Variants in CDC73 observed in about 807,000 individuals in gnomAD.
CDC73 encodes parafibromin.
In CDC73, 21 loss-of-function variants were observed where a neutral mutation model predicts 83.7. The ratio of observed to expected loss-of-function variants is 0.25; its 90% CI spans 0.18 to 0.36. The LOEUF (loss-of-function observed/expected upper bound fraction) is 0.36. Ranked by LOEUF, CDC73 falls within the 10% of genes least tolerant of loss-of-function variation. The pLI, the probability that CDC73 is intolerant of heterozygous loss-of-function variation, is 1.00. For missense variants in CDC73, 342 were observed against 653.3 expected, an observed-to-expected ratio of 0.52 and a Z score of 5.19; for synonymous variants, 224 against 212.9, an observed-to-expected ratio of 1.05 and a Z score of -0.45.
At chr1:193,199,323 T>G (rs933896736) in intron 10 of CDC73, among the ~76,000 whole-genome samples, 60 of 152,172 alleles carry the variant, frequency 3.9e-4, no homozygotes, top group African/African-American at 1.4e-3. Context: ...CCCAGCGCTT[T>G]AGGAGGCCAA....
rs138861712 is a variant in CDC73 at position 193,142,012 on chromosome 1, C to G, written c.675C>G (p.Val225=). 6.2e-7 allele frequency: 1 copy of G among 1,613,650 alleles called. No individual in the cohort carries two copies. Among genetic ancestry groups the G allele is most frequent in the African/African-American group, 1.3e-5 (1 of 74,830 alleles). Residue 225 remains valine (V), a synonymous_variant, in exon 7 of 17, where the codon GTC becomes GTG. Coordinates refer to ENST00000367435, the MANE Select transcript of CDC73 (RefSeq NM_024529.5). Reference sequence around the variant, plus strand: ...AGGTAGATGTGACCCGAGATATTGTCAGCAGAGAGAGAGTATGGAGGACAC... The same window carrying G: ...AGGTAGATGTGACCCGAGATATTGTGAGCAGAGAGAGAGTATGGAGGACAC... ...DAEVDVTRDI[V]SRERVWRTRT... is the part of the protein sequence containing the mutation.
At chr1:193,156,625 C>T (rs1676211592) in intron 10 of CDC73, among the ~76,000 whole-genome samples, 1 of 152,126 alleles carries the variant, frequency 6.6e-6, no homozygotes, top group African/African-American at 2.4e-5. Flanking sequence ...AGCACTCTCC[C>T]CACCCCACCA....
chr1:193,148,777 C>G (rs1676053721), intron 8 of CDC73, among the ~76,000 whole-genome samples: 2 of 150,754 alleles, frequency 1.3e-5, no homozygotes, highest in South Asian at 4.2e-4. Context: ...CCCAAGTAGC[C>G]AGGATTACAG....
chr1:193,171,956 C>G (rs186046070), intron 10 of CDC73, among the ~76,000 whole-genome samples: 2 of 152,270 alleles, frequency 1.3e-5, no homozygotes, highest in East Asian at 3.9e-4. Flanking sequence ...GAGACAGAGT[C>G]TTTCTCTGTC....
chr1:193,189,611 T>C (rs745328128), intron 10 of CDC73, among the ~76,000 whole-genome samples: 1 of 152,188 alleles, frequency 6.6e-6, no homozygotes, highest in Non-Finnish European at 1.5e-5. Flanking sequence ...GATGGCAAAA[T>C]AGGTGGCCGT....
intron 15 of CDC73, among the ~76,000 whole-genome samples, chr1:193,237,465 T>G (rs1558321617): frequency 6.6e-6 from 1 of 152,192 alleles, no homozygotes; most frequent in African/African-American, 2.4e-5. Context: ...TGAAGTCAAC[T>G]GGATTCTCTT....
intron 10 of CDC73, among the ~76,000 whole-genome samples, chr1:193,175,381 G>A (rs1676583998): frequency 6.6e-6 from 1 of 152,146 alleles, no homozygotes; most frequent in Admixed American, 6.5e-5. Context: ...ATGGATATGG[G>A]CAATAGCAAG....
intron 10 of CDC73, among the ~76,000 whole-genome samples, chr1:193,163,038 G>A (rs929943276): frequency 6.6e-6 from 1 of 151,870 alleles, no homozygotes; most frequent in Non-Finnish European, 1.5e-5. Flanking sequence ...AGCTACACAA[G>A]GTATTTCACA....
chr1:193,218,178 A>G (rs949795715), intron 13 of CDC73, among the ~76,000 whole-genome samples: 3 of 152,168 alleles, frequency 2.0e-5, no homozygotes, highest in Admixed American at 1.3e-4. Context: ...ACATGCACAC[A>G]CAAAACACCT....
chr1:193,129,498 T>TTATTTATTTATG (rs1387654905), intron 2 of CDC73, among the ~76,000 whole-genome samples: 39 of 150,388 alleles, frequency 2.6e-4, no homozygotes, highest in African/African-American at 9.2e-4. Context: ...ATTTATTTAT[T>TTATTTATTTATG]TATTTATTTA....
intron 1 of CDC73, 117 bp downstream of exon 1, chr1:193,122,448 G>A: frequency 7.4e-7 from 1 of 1,358,564 alleles, no homozygotes; most frequent in Admixed American, 1.8e-5. Flanking sequence ...ACGGGTGTTC[G>A]GGGAAAAGAA....
In CDC73 at chr1:193,252,891, A is replaced by C. The variant is rs1351591415; in HGVS notation, c.*2179A>C. 4 of 231,776 alleles carry C rather than the reference A, an allele frequency of 1.7e-5. No homozygotes were observed. The highest frequency in any genetic ancestry group is 2.6e-5 in the Non-Finnish European group (3 of 117,174). The allele number at this position is 231,776 out of a possible 1,614,324, so 14.4% of individuals were successfully genotyped here. ...GAATGAATAATGTATTTTCAGTGTA[A>C]CAAATTTATTATAAAAGTGTAGTTC... On this transcript the variant is annotated 3_prime_UTR_variant, in exon 17 of 17. Transcript: ENST00000367435.
At chr1:193,165,817 A>G (rs755545131) in intron 10 of CDC73, among the ~76,000 whole-genome samples, 9 of 152,230 alleles carry the variant, frequency 5.9e-5, no homozygotes, top group Non-Finnish European at 1.0e-4. Context: ...TAAGCTGAGC[A>G]TGCTAACATT....
chr1:193,130,735 C>T (rs1675680191), intron 3 of CDC73, among the ~76,000 whole-genome samples: 1 of 152,186 alleles, frequency 6.6e-6, no homozygotes, highest in Non-Finnish European at 1.5e-5. Context: ...CTTACCATCC[C>T]ACTAAAATCA....
intron 10 of CDC73, chr1:193,180,245 G>T: frequency 6.8e-7 from 1 of 1,479,332 alleles, no homozygotes; most frequent in Non-Finnish European, 9.1e-7. Context: ...AACTATACAT[G>T]CTTTTAGCAA....
At chr1:193,143,491 G>A (rs1398825225) in intron 7 of CDC73, among the ~76,000 whole-genome samples, 2 of 152,076 alleles carry the variant, frequency 1.3e-5, no homozygotes, top group Non-Finnish European at 2.9e-5. Context: ...TTGAGCTCTA[G>A]GTGGCAGGAT....
intron 5 of CDC73, among the ~76,000 whole-genome samples, chr1:193,137,714 A>G (rs947828429): frequency 6.6e-6 from 1 of 152,230 alleles, no homozygotes; most frequent in African/African-American, 2.4e-5. Context: ...GGAGATACCA[A>G]AATGAAATTG....
intron 10 of CDC73, among the ~76,000 whole-genome samples, chr1:193,199,548 C>T (rs970232024): frequency 5.3e-5 from 8 of 151,572 alleles, no homozygotes; most frequent in African/African-American, 1.9e-4. Context: ...TCTGTTTCTA[C>T]TAAAAATACA....
chr1:193,135,613 AT>A, intron 5 of CDC73, 24 bp downstream of exon 5: 1 of 1,531,146 alleles, frequency 6.5e-7, no homozygotes, highest in Non-Finnish European at 9.0e-7. Flanking sequence ...ATTTTAAACA[AT>A]TTTATTTATA....
Sources: gnomAD v4.1 joint callset for allele counts (sites outside exome capture counted in the v4.1 genomes callset) on GRCh38, gnomAD v4.1.1 for gene constraint, MANE v1.5 for transcripts, NCBI Gene and HGNC (gene_info 2026-07-23, HGNC 2026-07-21) for gene names.